ZNF512B: variants seen among roughly 807,000 people sequenced by gnomAD.
ZNF512B encodes zinc finger protein 512B.
Under a neutral mutation model 87.8 loss-of-function variants are expected in ZNF512B, and 22 were observed. That is an observed-to-expected ratio of 0.25 (90% CI 0.18 to 0.36). The LOEUF (loss-of-function observed/expected upper bound fraction) is 0.36, where lower values mean the gene tolerates loss of function less well. Ranked by LOEUF, ZNF512B falls within the 10% of genes least tolerant of loss-of-function variation. The pLI is 1.00. For synonymous variants in ZNF512B, 524 were observed against 490.9 expected, an observed-to-expected ratio of 1.07 and a Z score of -0.89; for missense variants, 1,060 against 1,231.6, an observed-to-expected ratio of 0.86 and a Z score of 2.09.
rs377524297 is a variant in ZNF512B, at chr20:63,967,011, G to A, written c.265-7C>T. The A allele has an allele frequency of 3.5e-5, 57 of 1,613,084 alleles. No homozygotes were observed. The highest frequency in any genetic ancestry group is 1.7e-4 in the Middle Eastern group (1 of 5,982). ...AGTCGTTCATCAGGGAGAGCTAGGC[G>A]TGGGGAAAGGTGGTGCTGCTGACCC... On this transcript the variant is annotated splice_region_variant and splice_polypyrimidine_tract_variant and intron_variant, in intron 3 of 16. Transcript: ENST00000369888.
chr20:63,967,843 G>A lies in ZNF512B; in HGVS notation c.108C>T (p.Asp36=), dbSNP rs1262122647. ...GACTCCTCTTACCCATCTTCGGTGG[G>A]TCATGCAGCATTGGAAGTCGGACCT... ...RKEVRLPMLH[D]PPKMGMPVVR... The change falls in exon 2 of 17, where the codon GAC becomes GAT. Residue 36 remains aspartate (D), a synonymous_variant. Coordinates refer to ENST00000369888, the MANE Select transcript of ZNF512B (RefSeq NM_020713.3). The A allele has an allele frequency of 6.2e-7, 1 of 1,613,024 alleles. No individual in the cohort carries two copies. Among genetic ancestry groups the A allele is most frequent in the Non-Finnish European group, 8.5e-7 (1 of 1,179,664 alleles).
rs1043542328 is a variant in ZNF512B at position 63,956,713 on chromosome 20, A to G, written c.*3175T>C. 24 of 199,534 alleles carry G rather than the reference A, an allele frequency of 1.2e-4. No homozygotes were observed. The highest frequency in any genetic ancestry group is 5.3e-4 in the African/African-American group (23 of 43,276). 12.4% of individuals were successfully genotyped at this position (199,534 alleles called of 1,614,324 possible). A position where few individuals can be genotyped will look rare whatever the true frequency, so the allele number is the denominator to read the frequency against. On this transcript the variant is annotated 3_prime_UTR_variant, in exon 17 of 17. Coordinates refer to ENST00000369888, the MANE Select transcript of ZNF512B (RefSeq NM_020713.3). Reference sequence around the variant, plus strand: ...AGCCGCACAAAAACCCTGGAAAAAAATCAATAAACATTTATTTGATACAGT... The same window carrying G: ...AGCCGCACAAAAACCCTGGAAAAAAGTCAATAAACATTTATTTGATACAGT...
Position 63,963,456 on chromosome 20 carries a change from G to A in ZNF512B, c.1699-16C>T. Reference sequence around the variant, plus strand: ...CGTCAGAGGGCTGGGGACAGGGTGAGCATCGGTGACCCGGCACCATCGCCA... The same window carrying A: ...CGTCAGAGGGCTGGGGACAGGGTGAACATCGGTGACCCGGCACCATCGCCA... On this transcript the variant is annotated splice_polypyrimidine_tract_variant and intron_variant, in intron 10 of 16. Transcript: ENST00000369888. The A allele has an allele frequency of 6.5e-7, 1 of 1,545,798 alleles. No homozygotes were observed. The highest frequency in any genetic ancestry group is 8.7e-7 in the Non-Finnish European group (1 of 1,149,782).
In ZNF512B at chr20:63,967,425, T is replaced by C; in HGVS notation, c.220A>G (p.Lys74Glu). ...PASDKTEGKK[K>E]GRPKAENQAL... ...TGGTTCTCGGCTTTTGGCCGCCCCT[T>C]TTTCTTCCCTTCTGTCTTGTCACTG... Residue 74 changes from lysine (K) to glutamate (E), a missense_variant, in exon 3 of 17, where the codon AAG becomes GAG. Transcript: ENST00000369888. 3.1e-6 allele frequency: 5 copies of C among 1,613,046 alleles called. No homozygotes were observed. Among genetic ancestry groups the C allele is most frequent in the Non-Finnish European group, 4.2e-6 (5 of 1,179,404 alleles).
At chr20:63,968,736 C>G (rs1291703238) in intron 1 of ZNF512B, among the ~76,000 whole-genome samples, 1 of 152,246 alleles carries the variant, frequency 6.6e-6, no homozygotes. Flanking sequence ...TGCCTACAGA[C>G]CCACCACTAC....
rs1462041684 is a variant in ZNF512B, at chr20:63,963,245, G to A, written c.1818C>T (p.Ser606=). 7.1e-6 allele frequency: 11 copies of A among 1,547,190 alleles called. No homozygotes were observed. Among genetic ancestry groups the A allele is most frequent in the Non-Finnish European group, 9.6e-6 (11 of 1,149,962 alleles). Residue 606 remains serine, a synonymous_variant, in exon 12 of 17, where the codon TCC becomes TCT. Transcript: ENST00000369888. The part of the protein sequence containing the change: ...CPQEGCGAAF[S]SLMGYQYHQR... ...GGTGGTACTGGTAGCCCATGAGGCT[G>A]GAGAAGGCAGCCCCGCAACCCTGGG...
In ZNF512B at chr20:63,966,794, G is replaced by A. The variant is rs759862782; in HGVS notation, c.394-13C>T. 6 of 1,600,456 alleles carry A rather than the reference G, an allele frequency of 3.7e-6. No homozygotes were observed. Among genetic ancestry groups the A allele is most frequent in the Admixed American group, 3.4e-5 (2 of 58,920 alleles). On this transcript the variant is annotated splice_polypyrimidine_tract_variant and intron_variant, in intron 4 of 16. Transcript: ENST00000369888. ...CTGAGATGGCACCCTGGGCAGGGAA[G>A]GGAAGGTTTGGGACAGGGCCCCAAG... is the stretch of plus-strand genomic sequence containing the variant.
At position 63,961,182 on chromosome 20, in the gene ZNF512B, T is replaced by C. The variant is rs2058846701; in HGVS notation, c.2427+127A>G. The C allele has an allele frequency of 3.9e-5, 31 of 792,948 alleles. No homozygotes were observed. The highest frequency in any genetic ancestry group is 6.0e-5 in the Non-Finnish European group (29 of 482,632). The allele number at this position is 792,948 out of a possible 1,614,324, so 49.1% of individuals were successfully genotyped here. A position where few individuals can be genotyped will look rare whatever the true frequency, so the allele number is the denominator to read the frequency against. ...GGAGAAACTACCAGATTTCTCCACA[T>C]TGGCCACTCTCCCAGGCACACCCCA... On this transcript the variant is annotated intron_variant, in intron 16 of 16. Transcript: ENST00000369888. The surrounding 1 kb of genome is among the most constrained non-coding windows in gnomAD (Gnocchi z 6.4).
At position 63,966,852 on chromosome 20, in the gene ZNF512B, C is replaced by T. The variant is rs529467567; in HGVS notation, c.393+24G>A. 16 of 1,613,364 alleles carry T rather than the reference C, an allele frequency of 9.9e-6. No homozygotes were observed. The East Asian group carries it at 1.8e-4, about 18-fold the overall frequency. On this transcript the variant is annotated intron_variant, in intron 4 of 16. Transcript: ENST00000369888. Reference sequence around the variant, plus strand: ...GCCCAAACACACCCCGAGGCCTCCTCTCCCCCGACCCACAGTCCCTTACCC... The same window carrying T: ...GCCCAAACACACCCCGAGGCCTCCTTTCCCCCGACCCACAGTCCCTTACCC...
rs1404026416 is a variant in ZNF512B, at chr20:63,969,908, G to GCCGCGCTGCGCA, written c.-109_-98dup. 1 of 147,170 alleles carries GCCGCGCTGCGCA rather than the reference G, an allele frequency of 6.8e-6. No individual in the cohort carries two copies. The highest frequency in any genetic ancestry group is 1.5e-5 in the Non-Finnish European group (1 of 66,168). 9.1% of individuals were successfully genotyped at this position (147,170 alleles called of 1,614,324 possible). A position where few individuals can be genotyped will look rare whatever the true frequency, so the allele number is the denominator to read the frequency against. On this transcript the variant is annotated 5_prime_UTR_variant, in exon 1 of 17. Transcript: ENST00000369888. ...TGGGTCCGGGCGGCGCAGGCTGCGC[G>GCCGCGCTGCGCA]CCGCGCTGCGCACATGCGCGCTCCC...
chr20:63,968,180 G>C (rs963270569), intron 1 of ZNF512B, among the ~76,000 whole-genome samples: 1 of 152,224 alleles, frequency 6.6e-6, no homozygotes, highest in Non-Finnish European at 1.5e-5. Flanking sequence ...TCATCAGTTT[G>C]ATAGGATCTA....
At chr20:63,968,066 C>T (rs2058946333) in intron 1 of ZNF512B, 114 bp from the exon 2 acceptor site, 1 of 1,334,160 alleles carries the variant, frequency 7.5e-7, no homozygotes, top group Non-Finnish European at 1.0e-6. Context: ...GAAGAGGGGC[C>T]TGCCTTCCTG....
Position 63,959,687 on chromosome 20 carries a change from C to G in ZNF512B, c.*201G>C. Reference sequence around the variant, plus strand: ...CTGCTGGGCACACCTTGGGGAGCCCCAACCCAGGTGTGCCCTGTGGCAGCC... The same window carrying G: ...CTGCTGGGCACACCTTGGGGAGCCCGAACCCAGGTGTGCCCTGTGGCAGCC... On this transcript the variant is annotated 3_prime_UTR_variant, in exon 17 of 17. Coordinates refer to ENST00000369888, the MANE Select transcript of ZNF512B (RefSeq NM_020713.3). 1 of 772,618 alleles carries G rather than the reference C, an allele frequency of 1.3e-6. No individual in the cohort carries two copies. Among genetic ancestry groups the G allele is most frequent in the Non-Finnish European group, 2.0e-6 (1 of 510,052 alleles). The allele number at this position is 772,618 out of a possible 1,614,324, so 47.9% of individuals were successfully genotyped here.
intron 2 of ZNF512B, 64 bp downstream of exon 2, chr20:63,967,766 G>A: frequency 1.3e-6 from 2 of 1,579,338 alleles, no homozygotes; most frequent in South Asian, 2.2e-5. Flanking sequence ...CAGGGCAATG[G>A]TCCACTCCTA....
chr20:63,966,460 G>C lies in ZNF512B; in HGVS notation c.715C>G (p.Pro239Ala), dbSNP rs752767578. Reference protein sequence around the residue: ...PVTRPVPVTKPVTVSRPMPVT... With the variant: ...PVTRPVPVTKAVTVSRPMPVT... ...GGCATGGGCCTGCTGACTGTGACAGGTTTGGTGACTGGCACGGGCCTAGTG... is the reference window on the plus strand; with the variant it reads ...GGCATGGGCCTGCTGACTGTGACAGCTTTGGTGACTGGCACGGGCCTAGTG... Residue 239 changes from proline (P) to alanine (A), a missense_variant, in exon 5 of 17, where the codon CCT (proline) becomes GCT (alanine). Physicochemically the swap from Pro to Ala is conservative, Grantham distance 27 (BLOSUM62 -1). Coordinates refer to ENST00000369888, the MANE Select transcript of ZNF512B (RefSeq NM_020713.3). 1 of 1,614,096 alleles carries C rather than the reference G, an allele frequency of 6.2e-7. No homozygotes were observed. The highest frequency in any genetic ancestry group is 8.5e-7 in the Non-Finnish European group (1 of 1,180,022).
At position 63,962,873 on chromosome 20, in the gene ZNF512B, C is replaced by T. The variant is rs1601477533; in HGVS notation, c.1969-92G>A. 8 of 1,359,796 alleles carry T rather than the reference C, an allele frequency of 5.9e-6. No individual in the cohort carries two copies. In the East Asian group the frequency reaches 1.7e-4, roughly 30 times the overall value. The allele number at this position is 1,359,796 out of a possible 1,614,324, so 84.2% of individuals were successfully genotyped here. On this transcript the variant is annotated intron_variant, in intron 12 of 16. Transcript: ENST00000369888. ...GAGGCCACCCTAAGGCCGGTGGACC[C>T]ACAGGCCTCCCAGTGTGCTGGGGAC...
intron 13 of ZNF512B, 28 bp downstream of exon 13, chr20:63,962,559 G>A: frequency 6.3e-7 from 1 of 1,594,028 alleles, no homozygotes; most frequent in Non-Finnish European, 8.5e-7. Context: ...CCACGGCGCT[G>A]TCCACAGCCC....
rs535424547 is a variant in ZNF512B, at chr20:63,963,209, G to A, written c.1854C>T (p.Cys618=). The A allele has an allele frequency of 2.5e-5, 38 of 1,546,936 alleles. No homozygotes were observed. The East Asian group carries it at 2.7e-4, about 11-fold the overall frequency. The stretch of plus-strand genomic sequence containing the variant: ...TGTCCACCTCGCAGGGCGGCTTCCC[G>A]CAGCGCCGCTGGTGGTACTGGTAGC... ...LMGYQYHQRR[C]GKPPCEVDSP... is the part of the protein sequence containing the mutation. The change falls in exon 12 of 17, where the codon TGC becomes TGT. Residue 618 remains cysteine (C), a synonymous_variant. Coordinates refer to ENST00000369888, the MANE Select transcript of ZNF512B (RefSeq NM_020713.3).
chr20:63,966,999 G>A lies in ZNF512B; in HGVS notation c.270C>T (p.Ser90=). 2 of 1,613,444 alleles carry A rather than the reference G, an allele frequency of 1.2e-6. No individual in the cohort carries two copies. Among genetic ancestry groups the A allele is most frequent in the Admixed American group, 1.7e-5 (1 of 60,022 alleles). The change falls in exon 4 of 17, where the codon TCC becomes TCT. Residue 90 remains serine (S), a synonymous_variant. Coordinates refer to ENST00000369888, the MANE Select transcript of ZNF512B (RefSeq NM_020713.3). The stretch of plus-strand genomic sequence containing the variant: ...ACTCATCCTTCCAGTCGTTCATCAG[G>A]GAGAGCTAGGCGTGGGGAAAGGTGG... The part of the protein sequence containing the change: ...ENQALRDIPL[S]LMNDWKDEFK...
Sources: allele counts gnomAD v4.1 joint callset (sites outside exome capture counted in the v4.1 genomes callset), GRCh38; gene constraint gnomAD v4.1.1; non-coding constraint Gnocchi (gnomAD v3.1); transcripts MANE v1.5; gene names NCBI Gene and HGNC (gene_info 2026-07-23, HGNC 2026-07-21).